The following OGDHL variants were observed in gnomAD, a reference collection of about 807,000 sequenced individuals.
The protein encoded by OGDHL is oxoglutarate dehydrogenase L.
OGDHL carries 79 observed loss-of-function variants against 109.6 expected under a neutral mutation model. That is an observed-to-expected ratio of 0.72 (90% CI 0.60 to 0.87). The LOEUF (loss-of-function observed/expected upper bound fraction) is 0.87. Ranked by LOEUF, OGDHL falls within the 40% of genes least tolerant of loss-of-function variation. The pLI is 0.00. For missense variants in OGDHL, 1,275 were observed against 1,362.2 expected (o/e 0.94, Z 1.01); for synonymous variants, 528 against 537.2 (o/e 0.98, Z 0.24).
intron 3 of OGDHL, 68 bp downstream of exon 3, chr10:49,756,708 C>T: frequency 1.4e-6 from 2 of 1,458,998 alleles, no homozygotes; most frequent in South Asian, 1.4e-5. Flanking sequence ...AGACCCCTTC[C>T]CTTCAGTGCC....
intron 14 of OGDHL, 140 bp downstream of exon 14, chr10:49,743,854 G>A: frequency 9.5e-7 from 1 of 1,048,344 alleles, no homozygotes; most frequent in Non-Finnish European, 1.3e-6. Context: ...CAGACATGGT[G>A]CCGAGAGCTA....
At chr10:49,756,628 G>C in intron 3 of OGDHL, 148 bp downstream of exon 3, 1 of 729,402 alleles carries the variant, frequency 1.4e-6, no homozygotes, top group Admixed American at 3.1e-5. Flanking sequence ...GCAAAGACTG[G>C]CTAGAGGAGT....
In OGDHL at chr10:49,750,895, G is replaced by A. The variant is rs1842542625; in HGVS notation, c.840C>T (p.Ile280=). 1.2e-6 allele frequency: 2 copies of A among 1,612,634 alleles called. No homozygotes were observed. Among genetic ancestry groups the A allele is most frequent in the African/African-American group, 1.3e-5 (1 of 75,042 alleles). The change falls in exon 7 of 23, where the codon ATC becomes ATT. Residue 280 remains isoleucine (I), a synonymous_variant. Coordinates refer to ENST00000374103, the MANE Select transcript of OGDHL (RefSeq NM_018245.3). ...CEVMIPALKT[I]IDKSSEMGIE... is the part of the protein sequence containing the mutation. ...TCCCCATCTCGCTGGATTTGTCGAT[G>A]ATGGTCTTGAGGGCAGGAATCATCA... is the stretch of plus-strand genomic sequence containing the variant.
chr10:49,743,365 C>T (rs1351136495), intron 14 of OGDHL, among the ~76,000 whole-genome samples: 11 of 151,224 alleles, frequency 7.3e-5, no homozygotes, highest in Non-Finnish European at 1.0e-4. Context: ...ATGCCCCAAA[C>T]GCTGTCAGCA....
Position 49,745,844 on chromosome 10 carries a change from G to T in OGDHL, c.1430C>A (p.Ala477Glu). The T allele has an allele frequency of 1.2e-6, 2 of 1,614,192 alleles. No homozygotes were observed. The highest frequency in any genetic ancestry group is 1.7e-6 in the Non-Finnish European group (2 of 1,180,038). The change falls in exon 11 of 23, where the codon GCA becomes GAA. Residue 477 changes from alanine to glutamate, a missense_variant. Coordinates refer to ENST00000374103, the MANE Select transcript of OGDHL (RefSeq NM_018245.3). The stretch of plus-strand genomic sequence containing the variant: ...GTTGAAAGTGTTTCTCCATTCGGCT[G>T]CCACACTGCACACATATATCACAGC... ...PEAVIYVCSV[A>E]AEWRNTFNKD...
At chr10:49,743,155 G>A (rs1477052169) in intron 14 of OGDHL, among the ~76,000 whole-genome samples, 177 bp from the exon 15 acceptor site, 1 of 152,252 alleles carries the variant, frequency 6.6e-6, no homozygotes, top group Non-Finnish European at 1.5e-5. Context: ...TGAGACAAGG[G>A]GCTACCCCGA....
At chr10:49,739,541 C>T (rs1479915090) in intron 17 of OGDHL, 120 bp downstream of exon 17, 5 of 1,240,092 alleles carry the variant, frequency 4.0e-6, no homozygotes, top group Middle Eastern at 2.5e-4. Context: ...CACAGACCCA[C>T]GTGCTCCAGG....
At chr10:49,756,196 G>A (rs1030941198) in intron 3 of OGDHL, among the ~76,000 whole-genome samples, 3 of 152,158 alleles carry the variant, frequency 2.0e-5, no homozygotes, top group Non-Finnish European at 2.9e-5. Context: ...AAATGATTAC[G>A]CTTGTTATGG....
intron 12 of OGDHL, 105 bp downstream of exon 12, chr10:49,745,239 C>A: frequency 7.0e-7 from 1 of 1,433,114 alleles, no homozygotes; most frequent in Admixed American, 2.1e-5. Context: ...GTGGCTACTT[C>A]TTTAAATCCT....
Position 49,740,729 on chromosome 10 carries a change from G to C in OGDHL, c.2121C>G (p.Leu707=), listed in dbSNP as rs1841585168. 1 of 1,613,726 alleles carries C rather than the reference G, an allele frequency of 6.2e-7. No homozygotes were observed. Among genetic ancestry groups the C allele is most frequent in the Non-Finnish European group, 8.5e-7 (1 of 1,179,800 alleles). ...ACCCACCCAGGACTCCGTACTCCGA[G>C]AGGGAGCTGTTGCACACGGTGTACG... ...QAPYTVCNSS[L]SEYGVLGFEL... The change falls in exon 16 of 23, where the codon CTC becomes CTG. Residue 707 remains leucine, a synonymous_variant. Transcript: ENST00000374103.
At chr10:49,738,440 C>T (rs765721440) in intron 17 of OGDHL, 178 bp from the exon 18 acceptor site, 2 of 641,274 alleles carry the variant, frequency 3.1e-6, no homozygotes, top group Non-Finnish European at 5.4e-6. Flanking sequence ...AATGGGAATC[C>T]TCAGAGTGGG....
Position 49,744,698 on chromosome 10 carries a change from C to T in OGDHL, c.1684G>A (p.Asp562Asn), listed in dbSNP as rs1166580809. 6.2e-7 allele frequency: 1 copy of T among 1,614,200 alleles called. No individual in the cohort carries two copies. The highest frequency in any genetic ancestry group is 8.5e-7 in the Non-Finnish European group (1 of 1,180,046). Residue 562 changes from aspartate to asparagine, a missense_variant, in exon 13 of 23, where the codon GAT (aspartate) becomes AAT (asparagine). Coordinates refer to ENST00000374103, the MANE Select transcript of OGDHL (RefSeq NM_018245.3). The stretch of plus-strand genomic sequence containing the variant: ...TGCTTTATATGCAGAATCTTTTTAT[C>T]CTTGGACCTGCCATAAGCCTCCTCA... ...ICEEAYGRSK[D>N]KKILHIKHWL...
At chr10:49,735,763 G>A (rs1841112553) in intron 22 of OGDHL, among the ~76,000 whole-genome samples, 1 of 152,226 alleles carries the variant, frequency 6.6e-6, no homozygotes, top group Non-Finnish European at 1.5e-5. Flanking sequence ...ACCGCCCTTT[G>A]TAGAGATGCA....
chr10:49,756,592 T>A, intron 3 of OGDHL, 184 bp downstream of exon 3: 2 of 530,920 alleles, frequency 3.8e-6, no homozygotes, highest in South Asian at 4.2e-5. Flanking sequence ...TTCAAGCAGG[T>A]GGTAAGTGCT....
At chr10:49,752,831 C>T in intron 3 of OGDHL, 91 bp from the exon 4 acceptor site, 2 of 893,120 alleles carry the variant, frequency 2.2e-6, no homozygotes, top group Non-Finnish European at 3.5e-6. Context: ...CCCTCTCTTC[C>T]CATTCCCGAA....
At chr10:49,738,615 C>T (rs1016531498) in intron 17 of OGDHL, 5 of 327,044 alleles carry the variant, frequency 1.5e-5, no homozygotes, top group African/African-American at 8.5e-5. Flanking sequence ...CACGCCTTAT[C>T]GCTAACCCCC....
In OGDHL at chr10:49,738,042, G is replaced by A. The variant is rs369747420; in HGVS notation, c.2422C>T (p.Leu808Phe). The change falls in exon 19 of 23, where the codon CTC (leucine) becomes TTC (phenylalanine). Residue 808 changes from leucine to phenylalanine, a missense_variant. Coordinates refer to ENST00000374103, the MANE Select transcript of OGDHL (RefSeq NM_018245.3). ...AFTKDFEVSQLYDCNWIVVNC... is the reference protein window; with the variant it reads ...AFTKDFEVSQFYDCNWIVVNC... ...ACCACGATCCAGTTGCAGTCATAGAGCTGGCTCACCTCGAAGTCCTTGGTG... is the reference window on the plus strand; with the variant it reads ...ACCACGATCCAGTTGCAGTCATAGAACTGGCTCACCTCGAAGTCCTTGGTG... The A allele has an allele frequency of 6.2e-7, 1 of 1,614,080 alleles. No homozygotes were observed. The highest frequency in any genetic ancestry group is 1.3e-5 in the African/African-American group (1 of 74,924).
chr10:49,745,757 G>A (rs777749891), intron 11 of OGDHL, 41 bp downstream of exon 11: 15 of 1,599,018 alleles, frequency 9.4e-6, no homozygotes, highest in East Asian at 2.2e-5. Context: ...CAGCAGGGAT[G>A]GGCCACCCAC....
At chr10:49,747,968 C>T (rs934167161) in intron 8 of OGDHL, among the ~76,000 whole-genome samples, 1 of 152,144 alleles carries the variant, frequency 6.6e-6, no homozygotes, top group African/African-American at 2.4e-5. Context: ...CAACAAAATC[C>T]TCTTTTGAAC....
Sources: gnomAD v4.1 joint callset for allele counts (sites outside exome capture counted in the v4.1 genomes callset) on GRCh38, gnomAD v4.1.1 for gene constraint, MANE v1.5 for transcripts, NCBI Gene and HGNC (gene_info 2026-07-23, HGNC 2026-07-21) for gene names.